Variants in GRIN2B observed in about 807,000 individuals in gnomAD.
The protein encoded by GRIN2B is glutamate receptor ionotropic, NMDA 2B.
In GRIN2B, 5 loss-of-function variants were observed where a neutral mutation model predicts 114.5. The observed-to-expected ratio is 0.04, with a 90% CI of 0.02 to 0.09. The LOEUF (loss-of-function observed/expected upper bound fraction) is 0.09, where lower values mean the gene tolerates loss of function less well. GRIN2B is among the 10% of genes least tolerant of loss of function. GRIN2B has a pLI of 1.00. For synonymous variants in GRIN2B, 787 were observed against 745.1 expected (o/e 1.06, Z -0.92); for missense variants, 1,108 against 1,943.5 (o/e 0.57, Z 8.08).
At chr12:13,575,097 TTATAGAAAA>T (rs965139530) in intron 10 of GRIN2B, among the ~76,000 whole-genome samples, 48 of 152,310 alleles carry the variant, frequency 3.2e-4, no homozygotes, top group African/African-American at 1.1e-3. Flanking sequence ...ATTATAAAAC[TTATAGAAAA>T]TATAGGAGAA....
intron 3 of GRIN2B, among the ~76,000 whole-genome samples, chr12:13,849,798 T>C (rs1242479375): frequency 2.0e-5 from 3 of 152,216 alleles, no homozygotes; most frequent in Non-Finnish European, 4.4e-5. Flanking sequence ...ACACCTCGTG[T>C]GCTCTGTGTT....
At chr12:13,869,036 G>A (rs1479667327) in intron 2 of GRIN2B, among the ~76,000 whole-genome samples, 1 of 152,128 alleles carries the variant, frequency 6.6e-6, no homozygotes, top group African/African-American at 2.4e-5. Context: ...TGCTCTCCCT[G>A]TAGAATTGAG....
chr12:13,894,707 A>C (rs1439628963), intron 2 of GRIN2B, among the ~76,000 whole-genome samples: 1 of 152,174 alleles, frequency 6.6e-6, no homozygotes, highest in Non-Finnish European at 1.5e-5. Context: ...ACCAGTCGAT[A>C]GACAAAGGAA....
chr12:13,934,110 T>C (rs956253383), intron 2 of GRIN2B, among the ~76,000 whole-genome samples: 17 of 152,318 alleles, frequency 1.1e-4, no homozygotes, highest in African/African-American at 4.1e-4. Flanking sequence ...CAAGAGGACT[T>C]CAGAAAATGT....
intron 3 of GRIN2B, among the ~76,000 whole-genome samples, chr12:13,758,816 T>C (rs1399013159): frequency 2.0e-5 from 3 of 152,196 alleles, no homozygotes; most frequent in East Asian, 1.9e-4. Flanking sequence ...ACAGTAAACA[T>C]GCATACTTGC....
chr12:13,709,726 C>T (rs1052656575), intron 4 of GRIN2B, among the ~76,000 whole-genome samples: 26 of 151,924 alleles, frequency 1.7e-4, no homozygotes, highest in African/African-American at 5.1e-4. Context: ...AACGAAGTCC[C>T]GGCAGGTATT....
intron 2 of GRIN2B, among the ~76,000 whole-genome samples, chr12:13,961,841 G>A (rs565800387): frequency 2.2e-4 from 33 of 152,208 alleles, no homozygotes; most frequent in African/African-American, 7.5e-4. Flanking sequence ...TTAGAGTGGA[G>A]GTTGCAGGCA....
intron 3 of GRIN2B, among the ~76,000 whole-genome samples, chr12:13,817,851 G>A (rs1259831539): frequency 6.6e-6 from 1 of 152,156 alleles, no homozygotes; most frequent in Admixed American, 6.5e-5. Context: ...TGTCTACCTT[G>A]CTGAGTACTG....
chr12:13,783,005 T>TC (rs778007402), intron 3 of GRIN2B, among the ~76,000 whole-genome samples: 2 of 152,018 alleles, frequency 1.3e-5, no homozygotes, highest in Non-Finnish European at 2.9e-5. Context: ...TCACTGTCCT[T>TC]CCCCCCAAAA....
At chr12:13,840,775 G>A (rs1450196363) in intron 3 of GRIN2B, among the ~76,000 whole-genome samples, 4 of 151,860 alleles carry the variant, frequency 2.6e-5, no homozygotes, top group African/African-American at 7.3e-5. Context: ...TTTATCTTTC[G>A]TATGCTACAT....
chr12:13,678,838 T>C (rs1210050364), intron 4 of GRIN2B, among the ~76,000 whole-genome samples: 2 of 152,168 alleles, frequency 1.3e-5, no homozygotes, highest in Admixed American at 1.3e-4. Context: ...CAAACTAGAA[T>C]ATAAGCACTA....
At chr12:13,946,097 G>A (rs1867358150) in intron 2 of GRIN2B, among the ~76,000 whole-genome samples, 1 of 152,152 alleles carries the variant, frequency 6.6e-6, no homozygotes. Context: ...GTCCAGTGTT[G>A]AAGTTAGTAT....
At chr12:13,698,830 G>A (rs139801975) in intron 4 of GRIN2B, among the ~76,000 whole-genome samples, 4 of 151,954 alleles carry the variant, frequency 2.6e-5, no homozygotes, top group African/African-American at 4.8e-5. Context: ...CTACAGGCGC[G>A]CACCACCATG....
chr12:13,750,051 G>A (rs1371769277), intron 4 of GRIN2B, among the ~76,000 whole-genome samples: 3 of 152,180 alleles, frequency 2.0e-5, no homozygotes, highest in Non-Finnish European at 4.4e-5. Context: ...AGTTTGCAGA[G>A]GAAATGCTTT....
intron 4 of GRIN2B, among the ~76,000 whole-genome samples, chr12:13,704,311 A>G (rs891996822): frequency 6.6e-6 from 1 of 152,094 alleles, no homozygotes; most frequent in Admixed American, 6.6e-5. Flanking sequence ...GAGAAAGGGA[A>G]AGGATGGAGG....
chr12:13,897,570 C>T (rs565400107), intron 2 of GRIN2B, among the ~76,000 whole-genome samples: 3 of 152,228 alleles, frequency 2.0e-5, no homozygotes, highest in East Asian at 3.9e-4. Context: ...CCCAATGAGT[C>T]GAGAGCCCTT....
At chr12:13,701,860 C>A (rs898755220) in intron 4 of GRIN2B, among the ~76,000 whole-genome samples, 1 of 152,228 alleles carries the variant, frequency 6.6e-6, no homozygotes, top group Non-Finnish European at 1.5e-5. Flanking sequence ...AAAAGACAAA[C>A]ACAAAGCAAA....
chr12:13,667,956 ATC>A (rs1761802366), intron 5 of GRIN2B, among the ~76,000 whole-genome samples: 1 of 152,216 alleles, frequency 6.6e-6, no homozygotes, highest in Non-Finnish European at 1.5e-5. Context: ...GAATTTTCTC[ATC>A]TCTCTACCAC....
chr12:13,623,005 C>T (rs1000903516), intron 5 of GRIN2B, among the ~76,000 whole-genome samples: 4 of 152,170 alleles, frequency 2.6e-5, no homozygotes, highest in Non-Finnish European at 5.9e-5. Context: ...CACTGTATGG[C>T]CCTGCATTAT....
Sources: allele counts gnomAD v4.1 joint callset (sites outside exome capture counted in the v4.1 genomes callset), GRCh38; gene constraint gnomAD v4.1.1; transcripts MANE v1.5; gene names NCBI Gene and HGNC (gene_info 2026-07-23, HGNC 2026-07-21).